Variants in GAS7 observed in about 807,000 individuals in gnomAD.
GAS7 encodes growth arrest-specific protein 7.
A neutral mutation model predicts 71.1 loss-of-function variants in GAS7; 28 were observed. The ratio of observed to expected loss-of-function variants is 0.39; its 90% CI spans 0.29 to 0.54. The LOEUF (loss-of-function observed/expected upper bound fraction) is 0.54. GAS7 is among the 20% of genes least tolerant of loss of function. The probability of loss-of-function intolerance (pLI) is 0.62; values close to 1 mark genes in which losing one functional copy is unlikely to be tolerated. For synonymous variants in GAS7, 258 were observed against 245.8 expected (o/e 1.05, Z -0.46); for missense variants, 436 against 627.8 (o/e 0.69, Z 3.27).
At chr17:10,150,717 T>C (rs956069875) in intron 1 of GAS7, among the ~76,000 whole-genome samples, 1 of 150,972 alleles carries the variant, frequency 6.6e-6, no homozygotes, top group African/African-American at 2.4e-5. Flanking sequence ...GCCTCCCGAG[T>C]AGCTGGGATT....
intron 1 of GAS7, among the ~76,000 whole-genome samples, chr17:10,097,148 T>C (rs765690047): frequency 1.9e-4 from 29 of 152,244 alleles, no homozygotes; most frequent in South Asian, 4.1e-4. Flanking sequence ...TACTCCTCTG[T>C]AAGGCCTCCT....
intron 5 of GAS7, among the ~76,000 whole-genome samples, chr17:9,952,397 CT>C (rs973573775): frequency 3.7e-4 from 54 of 146,784 alleles, no homozygotes; most frequent in Admixed American, 4.1e-4. Context: ...GACACTTTTT[CT>C]TTTTTTTTTT....
chr17:9,917,302 G>T lies in GAS7; in HGVS notation c.1357C>A (p.Pro453Thr). 1 of 1,614,060 alleles carries T rather than the reference G, an allele frequency of 6.2e-7. No individual in the cohort carries two copies. The highest frequency in any genetic ancestry group is 2.2e-5 in the East Asian group (1 of 44,878). The change falls in exon 14 of 14, where the codon CCG (proline) becomes ACG (threonine). Residue 453 changes from proline (P) to threonine (T), a missense_variant. Coordinates refer to ENST00000432992, the MANE Select transcript of GAS7 (RefSeq NM_201433.2). ...PVDQLLRKVD[P>T]AKDRELWVRE... ...ACCCACAGCTCCCTGTCTTTGGCCG[G>T]GTCCACTTTTCGAAGCAGCTGATCC...
intron 2 of GAS7, among the ~76,000 whole-genome samples, chr17:10,005,223 A>G (rs552139950): frequency 0.027 from 2,628 of 97,602 alleles, 77 homozygotes; most frequent in African/African-American, 0.17. Flanking sequence ...GCGCGTGTGC[A>G]TGTATGTGTA....
At chr17:10,098,591 C>T (rs1199829712) in intron 1 of GAS7, among the ~76,000 whole-genome samples, 3 of 152,224 alleles carry the variant, frequency 2.0e-5, no homozygotes, top group Non-Finnish European at 4.4e-5. Context: ...ATAGGTATGA[C>T]AGGAGCTACA....
At chr17:10,038,921 G>C (rs1256927736) in intron 1 of GAS7, among the ~76,000 whole-genome samples, 1 of 152,094 alleles carries the variant, frequency 6.6e-6, no homozygotes, top group Admixed American at 6.6e-5. Context: ...AGGACATTAT[G>C]CTCAGTGCAA....
rs118037276 is a variant in GAS7, at chr17:9,971,025, A to G, written c.386-1263T>C. On this transcript the variant is annotated intron_variant, in intron 3 of 13. Transcript: ENST00000432992. ...ATAATTCTACGTATTCTCCTGACCT[A>G]CTTTGTTGGTGTGAGAATCCAACAA... is the stretch of plus-strand genomic sequence containing the variant. Among the ~76,000 whole-genome samples the G allele has an allele frequency of 9.2e-5, 14 of 152,234 alleles. No individual in the cohort carries two copies. In the East Asian group the frequency reaches 2.7e-3, roughly 29 times the overall value.
chr17:9,955,268 C>T (rs1440226818), intron 5 of GAS7, among the ~76,000 whole-genome samples: 2 of 152,132 alleles, frequency 1.3e-5, no homozygotes, highest in African/African-American at 2.4e-5. Flanking sequence ...TTCCTGTCCT[C>T]CCCCCGGTTA....
intron 3 of GAS7, among the ~76,000 whole-genome samples, chr17:9,971,867 C>G (rs940881267): frequency 2.0e-5 from 3 of 152,168 alleles, no homozygotes; most frequent in Non-Finnish European, 2.9e-5. Flanking sequence ...GCGACGAGGA[C>G]TGGAGGCAAG....
At chr17:10,006,390 C>T (rs1305451264) in intron 2 of GAS7, among the ~76,000 whole-genome samples, 2 of 124,758 alleles carry the variant, frequency 1.6e-5, no homozygotes, top group Non-Finnish European at 3.2e-5. Flanking sequence ...AGTGCAGTGG[C>T]GCGATCTCGG....
At position 9,919,580 on chromosome 17, in the gene GAS7, G is replaced by C. The variant is rs2067719621; in HGVS notation, c.1218+46C>G. Reference sequence around the variant, plus strand: ...ACCAACAACCACCAGGGGCTGCTCTGTGTCAGCCTCTGTACTGCCATGTCC... The same window carrying C: ...ACCAACAACCACCAGGGGCTGCTCTCTGTCAGCCTCTGTACTGCCATGTCC... On this transcript the variant is annotated intron_variant, in intron 12 of 13. Transcript: ENST00000432992. This position sits in a 1 kb window ranked among gnomAD's most constrained non-coding sequence, Gnocchi z 5.0. 1.5e-6 allele frequency: 2 copies of C among 1,364,860 alleles called. No homozygotes were observed. Among genetic ancestry groups the C allele is most frequent in the Admixed American group, 1.7e-5 (1 of 59,720 alleles). The allele number at this position is 1,364,860 out of a possible 1,614,324, so 84.5% of individuals were successfully genotyped here.
intron 1 of GAS7, among the ~76,000 whole-genome samples, chr17:10,136,927 G>C (rs1010020511): frequency 1.3e-5 from 2 of 152,176 alleles, no homozygotes; most frequent in East Asian, 1.9e-4. Context: ...TTCAAGACCA[G>C]CATGGGAAAG....
At chr17:10,115,998 C>T (rs566588782) in intron 1 of GAS7, among the ~76,000 whole-genome samples, 197 of 152,232 alleles carry the variant, frequency 1.3e-3, no homozygotes, top group Non-Finnish European at 2.4e-3. Flanking sequence ...CCCCTCACCT[C>T]TCCAGATCAT....
At chr17:10,046,440 C>T (rs1437985841) in intron 1 of GAS7, among the ~76,000 whole-genome samples, 2 of 151,142 alleles carry the variant, frequency 1.3e-5, no homozygotes, top group East Asian at 3.9e-4. Context: ...GAAGGAAATG[C>T]AGAAAATCTT....
intron 1 of GAS7, among the ~76,000 whole-genome samples, chr17:10,093,582 G>A (rs1484684772): frequency 7.5e-6 from 1 of 132,866 alleles, no homozygotes; most frequent in Non-Finnish European, 1.6e-5. Flanking sequence ...AAGCTGAAAA[G>A]CTTGCTGAGG....
At chr17:10,188,245 GA>G (rs112320102) in intron 1 of GAS7, among the ~76,000 whole-genome samples, 97 of 143,512 alleles carry the variant, frequency 6.8e-4, no homozygotes, top group East Asian at 1.0e-3. Flanking sequence ...TCCACCTCAA[GA>G]AAAAAAAAAA....
intron 2 of GAS7, among the ~76,000 whole-genome samples, chr17:10,001,123 C>T (rs1190465579): frequency 2.0e-5 from 3 of 152,086 alleles, no homozygotes; most frequent in Non-Finnish European, 2.9e-5. Context: ...ACTTGTTTAA[C>T]GTAGCAACAC....
chr17:9,944,360 G>T (rs928647121), intron 6 of GAS7, among the ~76,000 whole-genome samples: 4 of 152,282 alleles, frequency 2.6e-5, no homozygotes, highest in African/African-American at 9.6e-5. Context: ...AGAGAGAGAG[G>T]TGCATTGGTG....
chr17:9,952,806 T>C (rs940499308), intron 5 of GAS7, among the ~76,000 whole-genome samples: 4 of 152,154 alleles, frequency 2.6e-5, no homozygotes, highest in African/African-American at 9.7e-5. Context: ...TATCATGGCA[T>C]GCCAATCAGA....
Sources: allele counts gnomAD v4.1 joint callset (sites outside exome capture counted in the v4.1 genomes callset), GRCh38; gene constraint gnomAD v4.1.1; non-coding constraint Gnocchi (gnomAD v3.1); transcripts MANE v1.5; gene names NCBI Gene and HGNC (gene_info 2026-07-23, HGNC 2026-07-21).